Variants in DDX46 observed in about 807,000 individuals in gnomAD.
The protein encoded by DDX46 is DEAD-box helicase 46, also known as probable ATP-dependent RNA helicase DDX46.
DDX46 carries 30 observed loss-of-function variants against 134.9 expected under a neutral mutation model. The ratio of observed to expected loss-of-function variants is 0.22; its 90% CI spans 0.17 to 0.30. DDX46 has a LOEUF of 0.30. DDX46 is among the 10% of genes least tolerant of loss of function. DDX46 has a pLI of 1.00. For synonymous variants in DDX46, 415 were observed against 404.1 expected, an observed-to-expected ratio of 1.03 and a Z score of -0.32; for missense variants, 622 against 1,248.7, an observed-to-expected ratio of 0.50 and a Z score of 7.56.
intron 2 of DDX46, among the ~76,000 whole-genome samples, chr5:134,765,532 G>A (rs963992573): frequency 2.6e-5 from 4 of 151,860 alleles, no homozygotes; most frequent in South Asian, 2.1e-4. Context: ...CAGCCTGGGC[G>A]ACAGATCAGG....
At chr5:134,809,780 G>T (rs922615591) in intron 16 of DDX46, among the ~76,000 whole-genome samples, 4 of 151,998 alleles carry the variant, frequency 2.6e-5, no homozygotes, top group African/African-American at 9.7e-5. Context: ...AGGCCGAGGC[G>T]GGCGGATCAC....
chr5:134,775,395 G>GT (rs1335649158), intron 5 of DDX46, among the ~76,000 whole-genome samples: 3 of 151,892 alleles, frequency 2.0e-5, no homozygotes, highest in African/African-American at 7.3e-5. Context: ...CCAAAGAATG[G>GT]TTTAAATAGA....
At chr5:134,825,562 AC>A (rs1177183921) in intron 21 of DDX46, among the ~76,000 whole-genome samples, 1 of 152,220 alleles carries the variant, frequency 6.6e-6, no homozygotes, top group East Asian at 1.9e-4. Context: ...TTTTAAAAAT[AC>A]ACGGAATGAT....
chr5:134,794,883 C>T lies in DDX46; in HGVS notation c.1660C>T (p.Arg554Ter). Reference protein sequence around the residue: ...MRIVDNVRPDRQTVMFSATFP... With the variant: ...MRIVDNVRPD ...CATCGTGGATAATGTTCGTCCTGAT[C>T]GACAGACGGTTATGTTTTCAGCTAC... The change falls in exon 14 of 23, where the codon CGA (arginine) becomes TGA (stop). Residue 554 changes from arginine to a stop codon, truncating the protein, a stop_gained. Coordinates refer to ENST00000452510, the MANE Select transcript of DDX46 (RefSeq NM_001300860.2). LOFTEE classifies it high-confidence loss of function. 6.2e-7 allele frequency: 1 copy of T among 1,614,170 alleles called. No homozygotes were observed. Among genetic ancestry groups the T allele is most frequent in the East Asian group, 2.2e-5 (1 of 44,894 alleles).
At chr5:134,820,313 C>T (rs1199555837) in intron 21 of DDX46, among the ~76,000 whole-genome samples, 1 of 152,230 alleles carries the variant, frequency 6.6e-6, no homozygotes, top group Non-Finnish European at 1.5e-5. Flanking sequence ...CAAGACAGAA[C>T]TAGACTGCTA....
intron 16 of DDX46, among the ~76,000 whole-genome samples, chr5:134,809,222 T>C (rs1755071342): frequency 2.0e-5 from 3 of 152,210 alleles, no homozygotes; most frequent in South Asian, 2.1e-4. Context: ...CTGTCACATA[T>C]TCTTCTCTTT....
At chr5:134,824,165 G>A (rs1453193885) in intron 21 of DDX46, among the ~76,000 whole-genome samples, 1 of 152,174 alleles carries the variant, frequency 6.6e-6, no homozygotes, top group Admixed American at 6.5e-5. Context: ...CTTTCATCCA[G>A]AATGGTTCTG....
intron 15 of DDX46, among the ~76,000 whole-genome samples, chr5:134,807,008 A>AT (rs1357903350): frequency 6.6e-6 from 1 of 151,180 alleles, no homozygotes; most frequent in Non-Finnish European, 1.5e-5. Context: ...TAAAATGCAG[A>AT]TTTTGATTCG....
Position 134,818,854 on chromosome 5 carries a change from T to C in DDX46, c.2833-6T>C, listed in dbSNP as rs558158253. 1.2e-6 allele frequency: 2 copies of C among 1,606,660 alleles called. No homozygotes were observed. The highest frequency in any genetic ancestry group is 2.7e-5 in the African/African-American group (2 of 74,498). On this transcript the variant is annotated splice_region_variant and splice_polypyrimidine_tract_variant and intron_variant, in intron 20 of 22. Transcript: ENST00000452510. ...TGATTTTTCTTTTCCTTACCTTTTC[T>C]TTTAGACTGCTAGGTGGAAAGTTAC... is the stretch of plus-strand genomic sequence containing the variant.
intron 4 of DDX46, among the ~76,000 whole-genome samples, chr5:134,773,227 T>C (rs1753827970): frequency 6.6e-6 from 1 of 152,220 alleles, no homozygotes; most frequent in Non-Finnish European, 1.5e-5. Flanking sequence ...ATGTACCATG[T>C]GCCTGGCCAT....
chr5:134,812,775 T>C (rs944990271), intron 18 of DDX46, among the ~76,000 whole-genome samples: 21 of 152,000 alleles, frequency 1.4e-4, no homozygotes, highest in East Asian at 3.9e-4. Flanking sequence ...GTAGCTGGGA[T>C]TACAGGCACC....
intron 15 of DDX46, among the ~76,000 whole-genome samples, chr5:134,807,356 T>C (rs1755022077): frequency 6.6e-6 from 1 of 152,102 alleles, no homozygotes; most frequent in African/African-American, 2.4e-5. Flanking sequence ...CAGGTGATGC[T>C]GCTCTGGTCC....
intron 7 of DDX46, 152 bp from the exon 8 acceptor site, chr5:134,781,769 T>C: frequency 1.4e-6 from 1 of 711,850 alleles, no homozygotes; most frequent in Non-Finnish European, 2.2e-6. Context: ...TGGAGCACTA[T>C]AAAAATCTTG....
At chr5:134,795,158 C>T in intron 14 of DDX46, 144 bp downstream of exon 14, 1 of 915,356 alleles carries the variant, frequency 1.1e-6, no homozygotes, top group Admixed American at 3.0e-5. Flanking sequence ...AGTATTTTAC[C>T]AGATAAACTT....
At chr5:134,827,462 A>G (rs1283062081) in intron 22 of DDX46, among the ~76,000 whole-genome samples, 1 of 152,110 alleles carries the variant, frequency 6.6e-6, no homozygotes, top group Non-Finnish European at 1.5e-5. Context: ...TTTAGTAGAG[A>G]TGGTGTTTCA....
Position 134,830,720 on chromosome 5 carries a change from G to T in DDX46, c.*2014G>T, listed in dbSNP as rs1755716429. The stretch of plus-strand genomic sequence containing the variant: ...AACAGACAAAAGACATGTAACAACA[G>T]AAACAAATAAACCACTTACTGTAAA... On this transcript the variant is annotated 3_prime_UTR_variant, in exon 23 of 23. Coordinates refer to ENST00000452510, the MANE Select transcript of DDX46 (RefSeq NM_001300860.2). 1 of 152,596 alleles carries T rather than the reference G, an allele frequency of 6.6e-6. No homozygotes were observed. Among genetic ancestry groups the T allele is most frequent in the South Asian group, 2.1e-4 (1 of 4,834 alleles). 9.5% of individuals were successfully genotyped at this position (152,596 alleles called of 1,614,324 possible).
chr5:134,769,371 G>A (rs1260438569), intron 3 of DDX46, among the ~76,000 whole-genome samples: 4 of 125,798 alleles, frequency 3.2e-5, no homozygotes, highest in East Asian at 2.4e-4. Context: ...TTGCTCTGTC[G>A]TCAGGCTGGA....
chr5:134,758,891 C>T lies in DDX46; in HGVS notation c.-48C>T, dbSNP rs1354266229. On this transcript the variant is annotated 5_prime_UTR_variant, in exon 1 of 23. Coordinates refer to ENST00000452510, the MANE Select transcript of DDX46 (RefSeq NM_001300860.2). ...GCTCAGCCTCCTTGTTTGTCCGGTT[C>T]GCCTGTGCGTGGTACTCAAGGGCAC... 1 of 1,613,740 alleles carries T rather than the reference C, an allele frequency of 6.2e-7. No individual in the cohort carries two copies. The highest frequency in any genetic ancestry group is 1.1e-5 in the South Asian group (1 of 91,066).
chr5:134,804,650 G>A (rs1029574850), intron 15 of DDX46: 3 of 210,968 alleles, frequency 1.4e-5, no homozygotes, highest in African/African-American at 2.3e-5. Context: ...AGGCTGGCCC[G>A]TTTGTCTTAA....
Sources: gnomAD v4.1 joint callset for allele counts (sites outside exome capture counted in the v4.1 genomes callset) on GRCh38, gnomAD v4.1.1 for gene constraint, MANE v1.5 for transcripts, NCBI Gene and HGNC (gene_info 2026-07-23, HGNC 2026-07-21) for gene names.